GPD1L: variants seen among roughly 807,000 people sequenced by gnomAD.
GPD1L encodes the protein glycerol-3-phosphate dehydrogenase 1 like.
Under a neutral mutation model 32.9 loss-of-function variants are expected in GPD1L, and 17 were observed. The ratio of observed to expected loss-of-function variants is 0.52; its 90% CI spans 0.35 to 0.78. The LOEUF (loss-of-function observed/expected upper bound fraction) is 0.78. GPD1L is among the 30% of genes least tolerant of loss of function. The pLI is 0.01. For synonymous variants in GPD1L, 187 were observed against 165.9 expected (o/e 1.13, Z -0.98); for missense variants, 361 against 447.8 (o/e 0.81, Z 1.75).
chr3:32,151,719 T>C (rs887874198), intron 5 of GPD1L: 6 of 159,004 alleles, frequency 3.8e-5, no homozygotes, highest in African/African-American at 1.2e-4. Context: ...ACTCAAGTGA[T>C]CCATCAGCCT....
At chr3:32,164,459 C>T (rs55990136) in intron 7 of GPD1L, among the ~76,000 whole-genome samples, 17,146 of 152,312 alleles carry the variant, frequency 0.11, 1,073 homozygotes, top group African/African-American at 0.14. Flanking sequence ...GTCCAGGACA[C>T]ACTATCCATC....
intron 1 of GPD1L, among the ~76,000 whole-genome samples, chr3:32,118,676 A>T (rs1700365096): frequency 6.6e-6 from 1 of 152,156 alleles, no homozygotes; most frequent in East Asian, 1.9e-4. Flanking sequence ...CATTGTTCGT[A>T]TTGAAAACAA....
chr3:32,108,118 G>A (rs1700190304), intron 1 of GPD1L, among the ~76,000 whole-genome samples: 1 of 152,234 alleles, frequency 6.6e-6, no homozygotes, highest in African/African-American at 2.4e-5. Flanking sequence ...AACAACCAGG[G>A]CTGGGCGCAG....
chr3:32,159,296 C>T (rs1701043281), intron 6 of GPD1L, among the ~76,000 whole-genome samples, 187 bp downstream of exon 6: 1 of 151,916 alleles, frequency 6.6e-6, no homozygotes, highest in African/African-American at 2.4e-5. Context: ...CCTTGGCTTC[C>T]AGCAGGGGAC....
chr3:32,122,928 A>G (rs1028269322), intron 1 of GPD1L, among the ~76,000 whole-genome samples: 2 of 152,146 alleles, frequency 1.3e-5, no homozygotes, highest in Admixed American at 1.3e-4. Context: ...TTTTGGAGAC[A>G]GGGTTGTGTG....
At chr3:32,127,036 T>A (rs1700517532) in intron 1 of GPD1L, among the ~76,000 whole-genome samples, 1 of 152,186 alleles carries the variant, frequency 6.6e-6, no homozygotes, top group Admixed American at 6.5e-5. Flanking sequence ...TATGCTGGGA[T>A]GTATTATATT....
intron 2 of GPD1L, among the ~76,000 whole-genome samples, chr3:32,130,282 A>G (rs865856835): frequency 1.3e-5 from 2 of 151,706 alleles, no homozygotes; most frequent in Admixed American, 1.3e-4. Flanking sequence ...TGTCTGATAG[A>G]TCTCTCAAAC....
At chr3:32,128,318 T>A (rs1700541904) in intron 2 of GPD1L, 65 bp downstream of exon 2, 4 of 1,367,596 alleles carry the variant, frequency 2.9e-6, no homozygotes, top group Non-Finnish European at 4.2e-6. Context: ...GAGCAGCACT[T>A]GGGTTTTGGA....
At position 32,144,341 on chromosome 3, in the gene GPD1L, A is replaced by G. The variant is rs962005099; in HGVS notation, c.506-2281A>G. Among the ~76,000 whole-genome samples, 6 of 152,130 alleles carry G rather than the reference A, an allele frequency of 3.9e-5. No individual in the cohort carries two copies. The East Asian group carries it at 9.6e-4, about 24-fold the overall frequency. ...TCTCCTTTCGTTCTTGGGGCATACC[A>G]CAGACTCTGAGGCTTTTAATCCAGT... On this transcript the variant is annotated intron_variant, in intron 4 of 7. Coordinates refer to ENST00000282541, the MANE Select transcript of GPD1L (RefSeq NM_015141.4).
chr3:32,159,530 C>A (rs1490605557), intron 6 of GPD1L, 38 bp from the exon 7 acceptor site: 1 of 1,155,614 alleles, frequency 8.7e-7, no homozygotes, highest in South Asian at 1.3e-5. Flanking sequence ...TTAGTCTTTA[C>A]CATAGTTTTT....
rs536221148 is a variant in GPD1L, at chr3:32,106,649, A to G, written c.-63A>G. ...CCGCCAGCCGCTGCGGGCAAGGCTG[A>G]ACAGGCGGAGGTGGGCAGCCGGCCA... On this transcript the variant is annotated 5_prime_UTR_variant, in exon 1 of 8. Coordinates refer to ENST00000282541, the MANE Select transcript of GPD1L (RefSeq NM_015141.4). This position sits in a 1 kb window ranked among gnomAD's most constrained non-coding sequence, Gnocchi z 4.0. 1.0e-5 allele frequency: 15 copies of G among 1,443,094 alleles called. No individual in the cohort carries two copies. Among genetic ancestry groups the G allele is most frequent in the Non-Finnish European group, 1.4e-5 (15 of 1,087,614 alleles). 89.4% of individuals were successfully genotyped at this position (1,443,094 alleles called of 1,614,324 possible). A position where few individuals can be genotyped will look rare whatever the true frequency, so the allele number is the denominator to read the frequency against.
chr3:32,149,059 T>C (rs940292673), intron 5 of GPD1L, among the ~76,000 whole-genome samples: 1 of 152,312 alleles, frequency 6.6e-6, no homozygotes, highest in Admixed American at 6.5e-5. Flanking sequence ...ATTTTGTGTG[T>C]GTGTGTTTTG....
At chr3:32,112,907 A>C (rs1015675735) in intron 1 of GPD1L, among the ~76,000 whole-genome samples, 3 of 152,234 alleles carry the variant, frequency 2.0e-5, no homozygotes, top group Non-Finnish European at 4.4e-5. Context: ...GATTTAGAGA[A>C]AACTTGCTTA....
intron 6 of GPD1L, 51 bp from the exon 7 acceptor site, chr3:32,159,517 T>G: frequency 9.5e-7 from 1 of 1,050,548 alleles, no homozygotes; most frequent in South Asian, 1.4e-5. Context: ...AATAAATGAT[T>G]CTTTAGTCTT....
Position 32,167,871 on chromosome 3 carries a change from C to T in GPD1L, c.*1961C>T, listed in dbSNP as rs1344599245. The T allele has an allele frequency of 6.6e-6, 1 of 152,152 alleles. No individual in the cohort carries two copies. Among genetic ancestry groups the T allele is most frequent in the African/African-American group, 2.4e-5 (1 of 41,414 alleles). The allele number at this position is 152,152 out of a possible 1,614,324, so 9.4% of individuals were successfully genotyped here. ...CCATACACAGAAGTATACGAAAGCA[C>T]ACAAAACACTCCAAGTTTCAGCAGT... On this transcript the variant is annotated 3_prime_UTR_variant, in exon 8 of 8. Transcript: ENST00000282541.
At chr3:32,147,509 T>C (rs1038214622) in intron 5 of GPD1L, among the ~76,000 whole-genome samples, 12 of 152,176 alleles carry the variant, frequency 7.9e-5, no homozygotes, top group Admixed American at 7.9e-4. Context: ...ACTGTCCCTC[T>C]CTCTGCCGTG....
chr3:32,153,249 A>G (rs10865840), intron 5 of GPD1L, among the ~76,000 whole-genome samples: 60,209 of 151,990 alleles, frequency 0.4, 13,158 homozygotes, highest in East Asian at 0.63. Flanking sequence ...AAGCACCTTT[A>G]TGTGAGTGAG....
At chr3:32,129,481 C>T (rs1700557208) in intron 2 of GPD1L, among the ~76,000 whole-genome samples, 1 of 152,184 alleles carries the variant, frequency 6.6e-6, no homozygotes. Context: ...TAGGCTGATA[C>T]TACTGGTTTT....
intron 5 of GPD1L, among the ~76,000 whole-genome samples, chr3:32,148,571 T>C (rs1402015792): frequency 6.6e-6 from 1 of 152,204 alleles, no homozygotes; most frequent in Non-Finnish European, 1.5e-5. Flanking sequence ...GTAGCAATTA[T>C]TAACTCCAAC....
Sources: allele counts gnomAD v4.1 joint callset (sites outside exome capture counted in the v4.1 genomes callset), GRCh38; gene constraint gnomAD v4.1.1; non-coding constraint Gnocchi (gnomAD v3.1); transcripts MANE v1.5; gene names NCBI Gene and HGNC (gene_info 2026-07-23, HGNC 2026-07-21).